The following NKAIN2 variants were observed in gnomAD, a reference collection of about 807,000 sequenced individuals.
NKAIN2 encodes sodium/potassium transporting ATPase interacting 2.
NKAIN2 carries 14 observed loss-of-function variants against 32.6 expected under a neutral mutation model. The ratio of observed to expected loss-of-function variants is 0.43; its 90% CI spans 0.28 to 0.67. The LOEUF (loss-of-function observed/expected upper bound fraction) is 0.67, where lower values mean the gene tolerates loss of function less well. Among genes scored for constraint, NKAIN2 ranks in the 30% least tolerant of loss-of-function variants. The pLI, the probability that NKAIN2 is intolerant of heterozygous loss-of-function variation, is 0.17. For synonymous variants in NKAIN2, 80 were observed against 87.2 expected, an observed-to-expected ratio of 0.92 and a Z score of 0.46; for missense variants, 198 against 258.3, an observed-to-expected ratio of 0.77 and a Z score of 1.60.
At chr6:124,752,539 GTA>G (rs1397320404) in intron 4 of NKAIN2, among the ~76,000 whole-genome samples, 13 of 151,468 alleles carry the variant, frequency 8.6e-5, no homozygotes, top group South Asian at 6.3e-4. Context: ...GTATATGTGG[GTA>G]TGTGTGTGTG....
intron 1 of NKAIN2, among the ~76,000 whole-genome samples, chr6:123,876,984 A>C (rs1773198789): frequency 6.6e-6 from 1 of 152,174 alleles, no homozygotes; most frequent in South Asian, 2.1e-4. Flanking sequence ...TCAGGCACAA[A>C]AATTACCCCA....
At chr6:124,409,148 A>G (rs1450466537) in intron 3 of NKAIN2, among the ~76,000 whole-genome samples, 4 of 152,154 alleles carry the variant, frequency 2.6e-5, no homozygotes, top group Non-Finnish European at 4.4e-5. Context: ...AACAGGGACA[A>G]TTTGACTTCC....
chr6:124,047,327 T>C (rs552202381), intron 1 of NKAIN2, among the ~76,000 whole-genome samples: 136 of 152,176 alleles, frequency 8.9e-4, no homozygotes, highest in African/African-American at 3.1e-3. Context: ...GCAAATCTCA[T>C]GTATTAGTCT....
intron 1 of NKAIN2, among the ~76,000 whole-genome samples, chr6:124,266,480 G>C (rs772349376): frequency 5.9e-4 from 90 of 152,044 alleles, no homozygotes; most frequent in African/African-American, 2.0e-3. Flanking sequence ...GGTTTCGCCA[G>C]CTTGCCCAGG....
intron 1 of NKAIN2, among the ~76,000 whole-genome samples, chr6:124,035,753 T>G (rs1259429504): frequency 6.6e-6 from 1 of 152,168 alleles, no homozygotes; most frequent in African/African-American, 2.4e-5. Flanking sequence ...AACCCTGCCG[T>G]GTTTCAAAGT....
rs1393703576 is a variant in NKAIN2, at chr6:124,047,446, C to CTATA, written c.55-235558_55-235557insATAT. 8.6e-4 allele frequency among the ~76,000 whole-genome samples: 129 copies of CTATA among 149,280 alleles called. 1 individual carries two copies. In the South Asian group the frequency reaches 0.011, roughly 13 times the overall value. On this transcript the variant is annotated intron_variant, in intron 1 of 6. Transcript: ENST00000368417. Reference sequence around the variant, plus strand: ...AGGGAAATTTACTTTCTCTCTCTCTCTCTATATATATATAGTTAAATAGCA... The same window carrying CTATA: ...AGGGAAATTTACTTTCTCTCTCTCTCTATATCTATATATATATAGTTAAATAGCA...
intron 1 of NKAIN2, among the ~76,000 whole-genome samples, chr6:124,035,551 G>T (rs997818465): frequency 1.3e-5 from 2 of 151,920 alleles, no homozygotes; most frequent in African/African-American, 4.8e-5. Flanking sequence ...CACTCCACTT[G>T]CTTGCTATGA....
intron 1 of NKAIN2, among the ~76,000 whole-genome samples, chr6:123,857,912 G>A (rs2114971598): frequency 6.6e-6 from 1 of 150,482 alleles, no homozygotes; most frequent in Non-Finnish European, 1.5e-5. Flanking sequence ...CAGATTATTG[G>A]CCTGACAAGG....
intron 3 of NKAIN2, among the ~76,000 whole-genome samples, chr6:124,600,430 C>T (rs548565330): frequency 6.6e-6 from 1 of 152,000 alleles, no homozygotes; most frequent in African/African-American, 2.4e-5. Context: ...TGATTTATAT[C>T]GTATGAAACA....
At chr6:124,121,909 C>A in intron 1 of NKAIN2, 1 of 1,244,976 alleles carries the variant, frequency 8.0e-7, no homozygotes, top group South Asian at 1.3e-5. Flanking sequence ...CATTAGGTTT[C>A]TCTTATTATA....
intron 3 of NKAIN2, among the ~76,000 whole-genome samples, chr6:124,510,268 T>G (rs1254810230): frequency 6.6e-6 from 1 of 152,200 alleles, no homozygotes; most frequent in Non-Finnish European, 1.5e-5. Context: ...TTTAATTTAC[T>G]TAAAAATAAA....
At chr6:124,262,396 C>G (rs1430198188) in intron 1 of NKAIN2, among the ~76,000 whole-genome samples, 2 of 152,098 alleles carry the variant, frequency 1.3e-5, no homozygotes, top group African/African-American at 4.8e-5. Flanking sequence ...GGCTACTCAT[C>G]TCTCTTGAAA....
At chr6:124,273,021 A>G (rs144206094) in intron 1 of NKAIN2, among the ~76,000 whole-genome samples, 338 of 152,314 alleles carry the variant, frequency 2.2e-3, no homozygotes, top group African/African-American at 7.7e-3. Context: ...TTACAGGCTC[A>G]TAGGTGGAAG....
intron 1 of NKAIN2, among the ~76,000 whole-genome samples, chr6:124,165,467 G>T (rs1037944044): frequency 6.6e-6 from 1 of 151,824 alleles, no homozygotes. Context: ...TGATGTGTTA[G>T]TAAAATATGT....
At chr6:124,056,744 A>G (rs1050990663) in intron 1 of NKAIN2, among the ~76,000 whole-genome samples, 1 of 152,004 alleles carries the variant, frequency 6.6e-6, no homozygotes, top group African/African-American at 2.4e-5. Context: ...TTTGTTCTAC[A>G]TACTGAGTTA....
intron 1 of NKAIN2, among the ~76,000 whole-genome samples, chr6:124,085,051 G>C (rs749919116): frequency 1.3e-5 from 2 of 151,984 alleles, no homozygotes; most frequent in Non-Finnish European, 2.9e-5. Flanking sequence ...AATAACAAAT[G>C]CTGTAAATAG....
intron 1 of NKAIN2, among the ~76,000 whole-genome samples, chr6:124,196,831 C>G (rs562504733): frequency 2.6e-5 from 4 of 151,766 alleles, no homozygotes; most frequent in Non-Finnish European, 5.9e-5. Flanking sequence ...TTCGTGCTTG[C>G]TTTATTAATA....
In NKAIN2 at chr6:123,804,274, C is replaced by T. The variant is rs1416791307; in HGVS notation, c.54+20C>T. 2.5e-6 allele frequency: 4 copies of T among 1,605,228 alleles called. No individual in the cohort carries two copies. Among genetic ancestry groups the T allele is most frequent in the African/African-American group, 2.7e-5 (2 of 74,700 alleles). On this transcript the variant is annotated intron_variant, in intron 1 of 6. Transcript: ENST00000368417. ...CAACTGGTAAGTGACACTTGGGTCCCCTTATTCTGTAATGTGTCTTTGAGA... is the reference window on the plus strand; with the variant it reads ...CAACTGGTAAGTGACACTTGGGTCCTCTTATTCTGTAATGTGTCTTTGAGA...
chr6:124,621,684 G>A (rs1354277776), intron 3 of NKAIN2, among the ~76,000 whole-genome samples: 1 of 152,092 alleles, frequency 6.6e-6, no homozygotes, highest in South Asian at 2.1e-4. Context: ...ACCTTTTAAC[G>A]CCTCCAAGGA....
Sources: allele counts gnomAD v4.1 joint callset (sites outside exome capture counted in the v4.1 genomes callset), GRCh38; gene constraint gnomAD v4.1.1; transcripts MANE v1.5; gene names NCBI Gene and HGNC (gene_info 2026-07-23, HGNC 2026-07-21).